The following HEATR4 variants were observed in gnomAD, a reference collection of about 807,000 sequenced individuals.
HEATR4 encodes the protein HEAT repeat-containing protein 4.
Under a neutral mutation model 108.8 loss-of-function variants are expected in HEATR4, and 95 were observed. The observed-to-expected ratio is 0.87, with a 90% CI of 0.74 to 1.04. The LOEUF is 1.04. HEATR4 is among the 50% of genes least tolerant of loss of function. The pLI is 0.00. For missense variants in HEATR4, 1,152 were observed against 1,253.8 expected, an observed-to-expected ratio of 0.92 and a Z score of 1.23; for synonymous variants, 443 against 459.4, an observed-to-expected ratio of 0.96 and a Z score of 0.46.
At chr14:73,593,668 TA>T in the HEATR4 span, 1 of 1,560,254 alleles carries the variant, frequency 6.4e-7, no homozygotes, top group Non-Finnish European at 8.7e-7. Context: ...TTAAATTGTA[TA>T]ATGGCTTACA....
Position 73,522,639 on chromosome 14 carries a change from G to T in HEATR4, c.514C>A (p.Pro172Thr), listed in dbSNP as rs758822571. The T allele has an allele frequency of 1.2e-6, 2 of 1,614,108 alleles. No individual in the cohort carries two copies. Among genetic ancestry groups the T allele is most frequent in the African/African-American group, 2.7e-5 (2 of 74,932 alleles). ...GAAGGTGGCCGACCCAGCATATCTG[G>T]ATGCATGCAGGGATGATGGATGAGA... The part of the protein sequence containing the change: ...RPLIHHPCMH[P>T]DMLGRPPSLD... The change falls in exon 3 of 18, where the codon CCA becomes ACA. Residue 172 changes from proline to threonine, a missense_variant. Pro to Thr is a conservative substitution (Grantham distance 38, BLOSUM62 -1). Transcript: ENST00000553558.
At chr14:73,570,744 A>G in the HEATR4 span, among the ~76,000 whole-genome samples, 1 of 151,448 alleles carries the variant, frequency 6.6e-6, no homozygotes, top group South Asian at 2.1e-4. Context: ...ATCTCTACTA[A>G]AAATAGAAAA....
rs577179697 is a variant in HEATR4 at position 73,546,844 on chromosome 14, T to C, written c.-152+11907A>G. Among the ~76,000 whole-genome samples the C allele has an allele frequency of 2.8e-5, 3 of 108,560 alleles. 1 individual carries two copies. The highest frequency in any genetic ancestry group is 8.5e-5 in the African/African-American group (3 of 35,320). The allele number at this position is 108,560 out of a possible 152,430, so 71.2% of individuals were successfully genotyped here. ...GCTTATGCCTGTAATCCCAGCACTT[T>C]GGGAGGCCGAGGCGGGCAGATCACC... On this transcript the variant is annotated intron_variant, in intron 1 of 17. Transcript: ENST00000553558.
At chr14:73,593,545 A>G in the HEATR4 span, among the ~76,000 whole-genome samples, 1 of 151,574 alleles carries the variant, frequency 6.6e-6, no homozygotes, top group Admixed American at 6.6e-5. Context: ...GTCTCACTAC[A>G]TTGTCCAGGC....
chr14:73,501,315 T>C (rs1886444102), intron 11 of HEATR4, among the ~76,000 whole-genome samples: 1 of 151,922 alleles, frequency 6.6e-6, no homozygotes, highest in Non-Finnish European at 1.5e-5. Context: ...TTAGTAGAGA[T>C]GGGGTTTCAC....
At chr14:73,567,177 C>T in the HEATR4 span, among the ~76,000 whole-genome samples, 1 of 152,024 alleles carries the variant, frequency 6.6e-6, no homozygotes, top group Non-Finnish European at 1.5e-5. Flanking sequence ...CCTTAAGCAA[C>T]CCTGCCACCT....
upstream of HEATR4, among the ~76,000 whole-genome samples, chr14:73,562,511 T>C (rs1889544045): frequency 6.6e-6 from 1 of 152,040 alleles, no homozygotes; most frequent in Non-Finnish European, 1.5e-5. Flanking sequence ...CCATAAGGTC[T>C]GACAGCCTGC....
chr14:73,501,591 T>TTGG (rs1886465969), intron 11 of HEATR4, among the ~76,000 whole-genome samples: 1 of 136,808 alleles, frequency 7.3e-6, no homozygotes, highest in African/African-American at 2.6e-5. Context: ...TTTTTTTTTT[T>TTGG]GAGATAGGGT....
chr14:73,480,223 C>T (rs372143778), intron 17 of HEATR4, among the ~76,000 whole-genome samples: 1 of 152,068 alleles, frequency 6.6e-6, no homozygotes, highest in Admixed American at 6.6e-5. Context: ...AGGCAGCTCA[C>T]TTGAGGTCGG....
chr14:73,483,636 G>A (rs1331162409), intron 17 of HEATR4, among the ~76,000 whole-genome samples: 1 of 152,066 alleles, frequency 6.6e-6, no homozygotes, highest in Non-Finnish European at 1.5e-5. Context: ...AAGGAAATGT[G>A]AGCGTTTTTT....
the HEATR4 span, chr14:73,571,379 CCACACAGTGG>C: frequency 6.4e-6 from 1 of 155,122 alleles, no homozygotes; most frequent in Non-Finnish European, 1.4e-5. Context: ...TGCTTCTCAC[CCACACAGTGG>C]TCATACTTTG....
the HEATR4 span, among the ~76,000 whole-genome samples, chr14:73,572,949 A>G: frequency 4.6e-5 from 7 of 151,406 alleles, no homozygotes; most frequent in Admixed American, 1.3e-4. Context: ...CCCAGCCTGC[A>G]TTATTACTAT....
intron 12 of HEATR4, among the ~76,000 whole-genome samples, chr14:73,499,907 C>T (rs1182942412): frequency 6.6e-6 from 1 of 152,142 alleles, no homozygotes. Flanking sequence ...TGGAATGCGG[C>T]CCAACACAAA....
chr14:73,525,976 C>A (rs1278124580), intron 2 of HEATR4, among the ~76,000 whole-genome samples: 1 of 150,030 alleles, frequency 6.7e-6, no homozygotes, highest in African/African-American at 2.4e-5. Context: ...AAAGCATCTT[C>A]ATAAGAAACA....
the HEATR4 span, among the ~76,000 whole-genome samples, chr14:73,577,877 G>A: frequency 6.6e-6 from 1 of 151,572 alleles, no homozygotes; most frequent in African/African-American, 2.4e-5. Flanking sequence ...TTGAGACAGA[G>A]TCTCACTCTG....
chr14:73,581,593 A>T, the HEATR4 span: 1 of 143,722 alleles, frequency 7.0e-6, no homozygotes, highest in Admixed American at 7.4e-5. Flanking sequence ...TGTATTAGTT[A>T]TTAGAGCTAA....
intron 6 of HEATR4, among the ~76,000 whole-genome samples, chr14:73,513,239 AC>A (rs368907779): frequency 8.2e-4 from 125 of 152,292 alleles, no homozygotes; most frequent in African/African-American, 2.8e-3. Context: ...CGGGGAGATC[AC>A]CTGAAGTCAG....
chr14:73,564,001 T>TA, the HEATR4 span, among the ~76,000 whole-genome samples: 1 of 150,358 alleles, frequency 6.7e-6, no homozygotes, highest in Non-Finnish European at 1.5e-5. Context: ...ACCTAGTCTC[T>TA]AAAAAAATAA....
chr14:73,577,293 CAGT>C, the HEATR4 span, among the ~76,000 whole-genome samples: 1 of 138,802 alleles, frequency 7.2e-6, no homozygotes, highest in Non-Finnish European at 1.6e-5. Context: ...ACCAGATCTA[CAGT>C]AGAGAGATGA....
Sources: allele counts gnomAD v4.1 joint callset (sites outside exome capture counted in the v4.1 genomes callset), GRCh38; gene constraint gnomAD v4.1.1; transcripts MANE v1.5; gene names NCBI Gene and HGNC (gene_info 2026-07-23, HGNC 2026-07-21).